Variants in GALNT14 observed in about 807,000 individuals in gnomAD.
The protein encoded by GALNT14 is polypeptide N-acetylgalactosaminyltransferase 14, also known as UDP-GalNAc:polypeptide N-acetylgalactosaminyltransferase 14.
GALNT14 carries 60 observed loss-of-function variants against 77.5 expected under a neutral mutation model. The observed-to-expected ratio is 0.77, with a 90% CI of 0.63 to 0.96. The LOEUF (loss-of-function observed/expected upper bound fraction) is 0.96, where lower values mean the gene tolerates loss of function less well. GALNT14 is among the 40% of genes least tolerant of loss of function. The pLI is 0.00. For synonymous variants in GALNT14, 280 were observed against 281.7 expected (o/e 0.99, Z 0.06); for missense variants, 710 against 731.0 (o/e 0.97, Z 0.33).
At chr2:31,100,591 A>G (rs542514576) in intron 1 of GALNT14, among the ~76,000 whole-genome samples, 1 of 151,924 alleles carries the variant, frequency 6.6e-6, no homozygotes, top group East Asian at 1.9e-4. Flanking sequence ...TGCAATGAGG[A>G]GTAACAGTAC....
At chr2:30,911,275 T>C (rs970472095) in intron 14 of GALNT14, among the ~76,000 whole-genome samples, 4 of 152,098 alleles carry the variant, frequency 2.6e-5, no homozygotes, top group African/African-American at 9.7e-5. Flanking sequence ...GCAAAATCAA[T>C]ATGTTTACTA....
chr2:30,939,367 G>A (rs1666241885), intron 9 of GALNT14, among the ~76,000 whole-genome samples: 1 of 152,132 alleles, frequency 6.6e-6, no homozygotes, highest in African/African-American at 2.4e-5. Context: ...TAACTTTGGT[G>A]GAAAAGGGAA....
At chr2:30,942,065 C>T (rs1573004303) in intron 9 of GALNT14, 136 bp downstream of exon 9, 1 of 581,278 alleles carries the variant, frequency 1.7e-6, no homozygotes, top group East Asian at 3.0e-5. Flanking sequence ...AGTAACTCAC[C>T]ATCTCCCAGG....
chr2:30,996,487 G>T (rs1219062634), intron 1 of GALNT14, among the ~76,000 whole-genome samples: 1 of 152,228 alleles, frequency 6.6e-6, no homozygotes, highest in Non-Finnish European at 1.5e-5. Flanking sequence ...TGCTGGAGAG[G>T]CAGGTGGAGG....
chr2:30,993,406 A>T (rs1669836681), intron 1 of GALNT14, among the ~76,000 whole-genome samples: 1 of 152,240 alleles, frequency 6.6e-6, no homozygotes, highest in Non-Finnish European at 1.5e-5. Context: ...CTAGTATCCC[A>T]ACCCCAGAGG....
intron 1 of GALNT14, among the ~76,000 whole-genome samples, chr2:31,086,560 G>GA (rs562559800): frequency 3.4e-4 from 49 of 142,558 alleles, no homozygotes; most frequent in South Asian, 4.4e-4. Context: ...CTTTCAGTGT[G>GA]AAAAAAAAAA....
At chr2:31,129,789 G>A (rs57550849) in intron 1 of GALNT14, 18,732 of 426,682 alleles carry the variant, frequency 0.044, 720 homozygotes, top group African/African-American at 0.14. Flanking sequence ...TAAATCTTCA[G>A]CCCAGACAAC....
intron 3 of GALNT14, among the ~76,000 whole-genome samples, chr2:30,965,159 C>T (rs1667926153): frequency 6.6e-6 from 1 of 152,066 alleles, no homozygotes; most frequent in Non-Finnish European, 1.5e-5. Flanking sequence ...ACTAGCCTCT[C>T]CCTACTCAGG....
intron 1 of GALNT14, among the ~76,000 whole-genome samples, chr2:31,034,594 C>A (rs1470962911): frequency 6.6e-6 from 1 of 151,880 alleles, no homozygotes; most frequent in Non-Finnish European, 1.5e-5. Flanking sequence ...TCTGTCTGCT[C>A]TAATCTTTAT....
intron 1 of GALNT14, among the ~76,000 whole-genome samples, chr2:31,028,206 C>T (rs1672190334): frequency 6.6e-6 from 1 of 152,194 alleles, no homozygotes; most frequent in Non-Finnish European, 1.5e-5. Context: ...GGTTGCTTGG[C>T]TGTTGTCCAG....
At chr2:31,014,234 T>C (rs1176050370) in intron 1 of GALNT14, among the ~76,000 whole-genome samples, 1 of 152,160 alleles carries the variant, frequency 6.6e-6, no homozygotes. Context: ...TGACTAAAGA[T>C]GAGAATAAAA....
At chr2:30,909,954 G>T (rs541223666), downstream of GALNT14, among the ~76,000 whole-genome samples, 214 of 151,022 alleles carry the variant, frequency 1.4e-3, 1 homozygote, top group Non-Finnish European at 2.6e-3. Flanking sequence ...GTAAACTATC[G>T]CAAGAACAAA....
intron 1 of GALNT14, among the ~76,000 whole-genome samples, chr2:31,058,941 C>A (rs747711451): frequency 1.9e-4 from 29 of 152,174 alleles, no homozygotes; most frequent in Non-Finnish European, 5.9e-5. Flanking sequence ...AATGGCTCAA[C>A]CAAAACCCTG....
chr2:30,956,439 C>T (rs1667374262), intron 4 of GALNT14, among the ~76,000 whole-genome samples: 1 of 152,136 alleles, frequency 6.6e-6, no homozygotes, highest in African/African-American at 2.4e-5. Flanking sequence ...GTGTAATAAT[C>T]ACATCATGGA....
At chr2:31,038,600 C>T (rs1366783165) in intron 1 of GALNT14, among the ~76,000 whole-genome samples, 1 of 152,096 alleles carries the variant, frequency 6.6e-6, no homozygotes, top group African/African-American at 2.4e-5. Context: ...CATTCTGCCC[C>T]CTCTAGTGGC....
At chr2:30,940,103 G>A (rs1666293320) in intron 9 of GALNT14, among the ~76,000 whole-genome samples, 1 of 152,090 alleles carries the variant, frequency 6.6e-6, no homozygotes, top group Non-Finnish European at 1.5e-5. Flanking sequence ...CCCTGTGATA[G>A]CTGTTGGCAG....
chr2:30,982,585 T>C (rs1349331172), intron 2 of GALNT14, among the ~76,000 whole-genome samples: 5 of 152,210 alleles, frequency 3.3e-5, no homozygotes, highest in Non-Finnish European at 5.9e-5. Flanking sequence ...ATCCCATTTA[T>C]ATAAAGTTCA....
chr2:31,003,675 G>C (rs1284573040), intron 1 of GALNT14, among the ~76,000 whole-genome samples: 2 of 152,166 alleles, frequency 1.3e-5, no homozygotes, highest in African/African-American at 4.8e-5. Flanking sequence ...ACAACTTTGG[G>C]GGAAGCTTCC....
rs141959881 is a variant in GALNT14, at chr2:31,100,041, T to C, written c.129+37917A>G. Among the ~76,000 whole-genome samples the C allele has an allele frequency of 3.9e-5, 6 of 152,178 alleles. No homozygotes were observed. The East Asian group carries it at 9.7e-4, about 24-fold the overall frequency. ...TTCAGGATCCTTTTATATACTTTAG[T>C]AGTGTTTTTAAATCTTCATATAGAC... On this transcript the variant is annotated intron_variant, in intron 1 of 14. Coordinates refer to ENST00000349752, the MANE Select transcript of GALNT14 (RefSeq NM_024572.4).
Sources: allele counts gnomAD v4.1 joint callset (sites outside exome capture counted in the v4.1 genomes callset), GRCh38; gene constraint gnomAD v4.1.1; transcripts MANE v1.5; gene names NCBI Gene and HGNC (gene_info 2026-07-23, HGNC 2026-07-21).